PAM: variants seen among roughly 807,000 people sequenced by gnomAD.
The protein encoded by PAM is peptidyl-glycine alpha-amidating monooxygenase.
Under a neutral mutation model 122.1 loss-of-function variants are expected in PAM, and 72 were observed. That is an observed-to-expected ratio of 0.59 (90% CI 0.49 to 0.72). PAM has a LOEUF of 0.72. Ranked by LOEUF, PAM falls within the 30% of genes least tolerant of loss-of-function variation. The probability of loss-of-function intolerance (pLI) is 0.00; values close to 1 mark genes in which losing one functional copy is unlikely to be tolerated. For missense variants in PAM, 1,106 were observed against 1,183.7 expected, an observed-to-expected ratio of 0.93 and a Z score of 0.96; for synonymous variants, 389 against 404.4, an observed-to-expected ratio of 0.96 and a Z score of 0.46.
At chr5:102,811,539 C>A (rs1364884632) in intron 1 of PAM, among the ~76,000 whole-genome samples, 1 of 152,170 alleles carries the variant, frequency 6.6e-6, no homozygotes, top group Non-Finnish European at 1.5e-5. Flanking sequence ...CGTTTTAAGA[C>A]CCTTAAACTT....
chr5:102,950,093 T>A, intron 11 of PAM, 115 bp downstream of exon 11: 1 of 656,764 alleles, frequency 1.5e-6, no homozygotes, highest in Non-Finnish European at 2.7e-6. Context: ...AAATCTGCCT[T>A]AACTGTATAA....
Position 102,949,910 on chromosome 5 carries a change from G to A in PAM, c.733G>A (p.Val245Ile), listed in dbSNP as rs1344778345. 1.3e-5 allele frequency: 20 copies of A among 1,551,678 alleles called. No individual in the cohort carries two copies. The highest frequency in any genetic ancestry group is 1.6e-5 in the Non-Finnish European group (18 of 1,124,666). ...ATTTGTGTTTATTACAGGTAAGGTA[G>A]TAAGTGGATACAGAGTAAGAAATGG... ...RVHTHHLGKVVSGYRVRNGQW... is the reference protein window; with the variant it reads ...RVHTHHLGKVISGYRVRNGQW... The change falls in exon 11 of 26, where the codon GTA (valine) becomes ATA (isoleucine). Residue 245 changes from valine to isoleucine, a missense_variant. Val to Ile is a conservative substitution (Grantham distance 29). Around this residue, in one of 3 missense-constraint regions of PAM, gnomAD observed 670 missense variants for 690.3 expected, o/e 0.97. Transcript: ENST00000438793.
At chr5:102,829,400 C>T (rs1028038222) in intron 1 of PAM, among the ~76,000 whole-genome samples, 20 of 136,860 alleles carry the variant, frequency 1.5e-4, no homozygotes, top group Non-Finnish European at 2.2e-4. Context: ...GAGATGGAGT[C>T]TTGCTCTGTC....
At position 102,799,726 on chromosome 5, in the gene PAM, A is replaced by G. The variant is rs936404239; in HGVS notation, c.-374+44378A>G. On this transcript the variant is annotated intron_variant, in intron 1 of 25. Transcript: ENST00000438793. ...TACACAGGCTCCTACATGGCCTCAG[A>G]CTCCGTCTCAACACACAACACCAGG... is the stretch of plus-strand genomic sequence containing the variant. 5.9e-5 allele frequency among the ~76,000 whole-genome samples: 9 copies of G among 152,240 alleles called. 1 individual carries two copies. The South Asian group carries it at 1.7e-3, about 28-fold the overall frequency.
intron 23 of PAM, among the ~76,000 whole-genome samples, chr5:103,023,878 A>G (rs1164244903): frequency 6.6e-6 from 1 of 152,156 alleles, no homozygotes; most frequent in Admixed American, 6.6e-5. Context: ...GTTGAAGCAA[A>G]GAGTTGGAAC....
At chr5:102,987,763 C>G (rs974452391) in intron 15 of PAM, among the ~76,000 whole-genome samples, 2 of 152,144 alleles carry the variant, frequency 1.3e-5, no homozygotes, top group African/African-American at 4.8e-5. Context: ...ATGATAGATA[C>G]TGTTCATCTG....
At chr5:102,920,955 T>C (rs536360979) in intron 5 of PAM, among the ~76,000 whole-genome samples, 3 of 152,146 alleles carry the variant, frequency 2.0e-5, no homozygotes, top group Non-Finnish European at 4.4e-5. Context: ...AGCTACCATT[T>C]TCAGTGCTTG....
intron 14 of PAM, among the ~76,000 whole-genome samples, chr5:102,965,220 A>C (rs1763724428): frequency 6.6e-6 from 1 of 151,068 alleles, no homozygotes; most frequent in Non-Finnish European, 1.5e-5. Flanking sequence ...TAAGGTTGGC[A>C]CTTTTAGAAA....
At chr5:102,889,757 CTT>C (rs1794226575) in intron 3 of PAM, among the ~76,000 whole-genome samples, 1 of 151,884 alleles carries the variant, frequency 6.6e-6, no homozygotes, top group African/African-American at 2.4e-5. Flanking sequence ...CCTTAGCCCC[CTT>C]ATTGGGCCTG....
rs1374148769 is a variant in PAM, at chr5:103,002,005, AACACACACACATACACACCC to A, written c.1614-1009_1614-990del. Among the ~76,000 whole-genome samples, 4 of 151,914 alleles carry A rather than the reference AACACACACACATACACACCC, an allele frequency of 2.6e-5. No individual in the cohort carries two copies. The East Asian group carries it at 5.8e-4, about 22-fold the overall frequency. On this transcript the variant is annotated intron_variant, in intron 16 of 25. Coordinates refer to ENST00000438793, the MANE Select transcript of PAM (RefSeq NM_001177306.2). ...TATTGACTTGATATGTATATTTATA[AACACACACACATACACACCC>A]ACACACACACATACACACACACCCC...
At chr5:102,889,547 G>A (rs1794143513) in intron 3 of PAM, among the ~76,000 whole-genome samples, 1 of 151,602 alleles carries the variant, frequency 6.6e-6, no homozygotes, top group Admixed American at 6.6e-5. Flanking sequence ...CTTCTGAATT[G>A]CCCCCTTTAT....
intron 7 of PAM, among the ~76,000 whole-genome samples, chr5:102,930,562 G>A (rs1387151243): frequency 6.6e-6 from 1 of 152,152 alleles, no homozygotes; most frequent in Non-Finnish European, 1.5e-5. Flanking sequence ...AAATGCATAG[G>A]GAAAAGTGGC....
At chr5:102,877,712 A>C (rs982400959) in intron 3 of PAM, among the ~76,000 whole-genome samples, 1 of 152,160 alleles carries the variant, frequency 6.6e-6, no homozygotes, top group African/African-American at 2.4e-5. Flanking sequence ...ATAAGATACC[A>C]TCACTGTCAA....
chr5:102,774,699 T>A (rs1756701697), intron 1 of PAM, among the ~76,000 whole-genome samples: 2 of 152,120 alleles, frequency 1.3e-5, no homozygotes, highest in Admixed American at 1.3e-4. Flanking sequence ...TGTTATTTGT[T>A]CTTTACGTAT....
chr5:103,008,483 C>G (rs1254348736), intron 20 of PAM, among the ~76,000 whole-genome samples: 1 of 151,810 alleles, frequency 6.6e-6, no homozygotes. Flanking sequence ...AGATCAATAA[C>G]GAGGAATTTT....
At position 102,814,978 on chromosome 5, in the gene PAM, T is replaced by C. The variant is rs1259461508; in HGVS notation, c.-373-50845T>C. On this transcript the variant is annotated intron_variant, in intron 1 of 25. Coordinates refer to ENST00000438793, the MANE Select transcript of PAM (RefSeq NM_001177306.2). ...ACACACGCACCCCCCATACACACAG[T>C]TACTTTACAATGAGCTGTTCTAAAC... 2.6e-5 allele frequency among the ~76,000 whole-genome samples: 4 copies of C among 151,870 alleles called. No individual in the cohort carries two copies. In the East Asian group the frequency reaches 7.7e-4, roughly 29 times the overall value.
chr5:102,919,331 G>A (rs1367918449), intron 5 of PAM, among the ~76,000 whole-genome samples: 1 of 152,010 alleles, frequency 6.6e-6, no homozygotes, highest in African/African-American at 2.4e-5. Context: ...TTTTAAAGGT[G>A]ATGTTGTTTT....
At chr5:102,872,148 C>T (rs1787726628) in intron 3 of PAM, among the ~76,000 whole-genome samples, 1 of 152,044 alleles carries the variant, frequency 6.6e-6, no homozygotes, top group African/African-American at 2.4e-5. Context: ...CTTGCAAATT[C>T]TTGTCTCATT....
chr5:103,020,034 A>C (rs904115664), intron 23 of PAM, among the ~76,000 whole-genome samples, 191 bp downstream of exon 23: 3 of 152,222 alleles, frequency 2.0e-5, no homozygotes, highest in East Asian at 3.9e-4. Context: ...TAAATGGAGC[A>C]GTCATAATGA....
Sources: gnomAD v4.1 joint callset for allele counts (sites outside exome capture counted in the v4.1 genomes callset) on GRCh38, gnomAD v4.1.1 for gene constraint, gnomAD v4.1.1 regional missense constraint, MANE v1.5 for transcripts, NCBI Gene and HGNC (gene_info 2026-07-23, HGNC 2026-07-21) for gene names.